TNS1: variants seen among roughly 807,000 people sequenced by gnomAD.
TNS1 encodes the protein tensin-1.
TNS1 carries 62 observed loss-of-function variants against 168.6 expected under a neutral mutation model. That is an observed-to-expected ratio of 0.37 (90% CI 0.30 to 0.45). The LOEUF is 0.45. Among genes scored for constraint, TNS1 ranks in the 20% least tolerant of loss-of-function variants. The probability of loss-of-function intolerance (pLI) is 1.00; values close to 1 mark genes in which losing one functional copy is unlikely to be tolerated. For missense variants in TNS1, 2,240 were observed against 2,339.4 expected, an observed-to-expected ratio of 0.96 and a Z score of 0.88; for synonymous variants, 934 against 933.2, an observed-to-expected ratio of 1.00 and a Z score of -0.02.
At chr2:218,025,161 A>C (rs1958840684) in intron 1 of TNS1, among the ~76,000 whole-genome samples, 1 of 152,170 alleles carries the variant, frequency 6.6e-6, no homozygotes, top group Non-Finnish European at 1.5e-5. Flanking sequence ...TCATGCCTCA[A>C]AGCCCTGCAG....
chr2:218,002,218 A>G (rs924306669), intron 1 of TNS1, among the ~76,000 whole-genome samples: 5 of 152,034 alleles, frequency 3.3e-5, no homozygotes, highest in African/African-American at 1.2e-4. Flanking sequence ...ACCTGGAGCC[A>G]AGAGAGAAAG....
chr2:217,975,062 A>G (rs1334991629), intron 3 of TNS1, among the ~76,000 whole-genome samples: 1 of 152,190 alleles, frequency 6.6e-6, no homozygotes, highest in African/African-American at 2.4e-5. Context: ...TGAATCATTC[A>G]TTCACTCTTG....
rs370103991 is a variant in TNS1, at chr2:217,911,096, T to G, written c.229-3845A>C. Among the ~76,000 whole-genome samples, 25 of 152,276 alleles carry G rather than the reference T, an allele frequency of 1.6e-4. No individual in the cohort carries two copies. In the East Asian group the frequency reaches 3.9e-3, roughly 24 times the overall value. ...GAGGCCAAACACAGACAGACCCCTA[T>G]GTCTGTCTCCACCCACTGCCCAGTC... On this transcript the variant is annotated intron_variant, in intron 4 of 32. Transcript: ENST00000682258.
chr2:217,966,997 G>T (rs1404848464), intron 3 of TNS1, among the ~76,000 whole-genome samples: 1 of 152,192 alleles, frequency 6.6e-6, no homozygotes, highest in Non-Finnish European at 1.5e-5. Context: ...AGAGTGTCAC[G>T]TAGTCACCAT....
chr2:217,916,702 C>A (rs1414818312), intron 4 of TNS1, among the ~76,000 whole-genome samples: 2 of 152,130 alleles, frequency 1.3e-5, no homozygotes, highest in Non-Finnish European at 2.9e-5. Context: ...GCCACTTTAC[C>A]CTGGCTGGCC....
intron 19 of TNS1, among the ~76,000 whole-genome samples, chr2:217,846,327 C>G (rs543956069): frequency 6.6e-6 from 1 of 152,298 alleles, no homozygotes; most frequent in Admixed American, 6.5e-5. Context: ...AGCAGGGAGC[C>G]TGTGTCCCCA....
At chr2:217,888,769 C>T (rs778550161) in intron 12 of TNS1, among the ~76,000 whole-genome samples, 10 of 152,200 alleles carry the variant, frequency 6.6e-5, no homozygotes, top group Non-Finnish European at 1.5e-4. Context: ...TCCCCAGCCA[C>T]GTGGAACTGT....
At chr2:217,961,254 C>CAGAG (rs1347056666) in intron 3 of TNS1, among the ~76,000 whole-genome samples, 35 of 130,202 alleles carry the variant, frequency 2.7e-4, no homozygotes, top group African/African-American at 9.1e-4. Flanking sequence ...CACACACACA[C>CAGAG]ACACACAGAG....
In TNS1 at chr2:217,818,673, C is replaced by A; in HGVS notation, c.3659G>T (p.Arg1220Leu). 2 of 1,614,174 alleles carry A rather than the reference C, an allele frequency of 1.2e-6. No individual in the cohort carries two copies. Among genetic ancestry groups the A allele is most frequent in the Non-Finnish European group, 1.7e-6 (2 of 1,180,014 alleles). The change falls in exon 24 of 33, where the codon CGC becomes CTC. Residue 1220 changes from arginine to leucine, a missense_variant. Around this residue, in one of 2 missense-constraint regions of TNS1, gnomAD observed 2,131 missense variants for 2,171.2 expected, o/e 0.98. Coordinates refer to ENST00000682258, the MANE Select transcript of TNS1 (RefSeq NM_001387777.1). Reference sequence around the variant, plus strand: ...GCTGGGCTGTCCCAGGCTGCCTGAGCGGAAGCCAGACTCCAACAGAGGCTG... The same window carrying A: ...GCTGGGCTGTCCCAGGCTGCCTGAGAGGAAGCCAGACTCCAACAGAGGCTG... ...PTQPLLESGF[R>L]SGSLGQPSPS...
chr2:217,879,111 C>A (rs772597079), intron 18 of TNS1, among the ~76,000 whole-genome samples: 1 of 152,224 alleles, frequency 6.6e-6, no homozygotes, highest in Non-Finnish European at 1.5e-5. Context: ...CCACTCTGAC[C>A]GTCTGCTCTT....
At chr2:217,898,083 G>GCACC in intron 7 of TNS1, 114 bp from the exon 8 acceptor site, 2 of 1,235,560 alleles carry the variant, frequency 1.6e-6, no homozygotes, top group Non-Finnish European at 2.1e-6. Context: ...AGCCCAGGGT[G>GCACC]CTTGGCTGCT....
chr2:217,871,122 G>A (rs1383164657), intron 18 of TNS1, among the ~76,000 whole-genome samples: 5 of 152,164 alleles, frequency 3.3e-5, no homozygotes, highest in Non-Finnish European at 7.4e-5. Context: ...GCCCAAGGGG[G>A]CCAAGAGGAC....
At chr2:217,947,567 C>G (rs941890461) in intron 3 of TNS1, among the ~76,000 whole-genome samples, 3 of 152,008 alleles carry the variant, frequency 2.0e-5, no homozygotes, top group Non-Finnish European at 4.4e-5. Context: ...AACAGAGAGG[C>G]CATTGAGGAG....
At chr2:217,893,388 A>G in intron 10 of TNS1, 51 bp downstream of exon 10, 1 of 1,495,328 alleles carries the variant, frequency 6.7e-7, no homozygotes, top group African/African-American at 1.6e-5. Context: ...ACATGTGCGC[A>G]TGTGCGCGCG....
intron 22 of TNS1, chr2:217,830,332 T>A (rs1231459484): frequency 1.2e-6 from 2 of 1,613,856 alleles, no homozygotes; most frequent in Admixed American, 1.7e-5. Flanking sequence ...CTGCGTGGCT[T>A]CATGGGTCAC....
chr2:217,865,577 A>C (rs889731909), intron 18 of TNS1, among the ~76,000 whole-genome samples: 1 of 152,232 alleles, frequency 6.6e-6, no homozygotes, highest in Non-Finnish European at 1.5e-5. Flanking sequence ...TTTTTTAAGC[A>C]ATCAAAGGCA....
chr2:217,865,402 G>A (rs1255370117), intron 18 of TNS1, among the ~76,000 whole-genome samples: 5 of 152,188 alleles, frequency 3.3e-5, no homozygotes, highest in Non-Finnish European at 7.3e-5. Context: ...CATGAGGAGC[G>A]CCCATCTGCT....
intron 18 of TNS1, among the ~76,000 whole-genome samples, chr2:217,863,746 A>C (rs767975048): frequency 1.3e-5 from 2 of 152,170 alleles, no homozygotes; most frequent in Non-Finnish European, 2.9e-5. Context: ...CCATCAAGGA[A>C]GAGAAAGACA....
At chr2:217,985,218 C>T (rs1958165415) in intron 2 of TNS1, among the ~76,000 whole-genome samples, 1 of 151,902 alleles carries the variant, frequency 6.6e-6, no homozygotes, top group South Asian at 2.1e-4. Flanking sequence ...AGTGTTCAAA[C>T]TTTTATTTTT....
Sources: allele counts gnomAD v4.1 joint callset (sites outside exome capture counted in the v4.1 genomes callset), GRCh38; gene constraint gnomAD v4.1.1; regional missense constraint gnomAD v4.1.1; transcripts MANE v1.5; gene names NCBI Gene and HGNC (gene_info 2026-07-23, HGNC 2026-07-21).